The following VIRMA variants were observed in gnomAD, a reference collection of about 807,000 sequenced individuals.
VIRMA encodes the protein vir like m6A methyltransferase associated, also known as protein virilizer homolog.
VIRMA carries 65 observed loss-of-function variants against 182.4 expected under a neutral mutation model. The ratio of observed to expected loss-of-function variants is 0.36; its 90% CI spans 0.29 to 0.44. The LOEUF is 0.44. Ranked by LOEUF, VIRMA falls within the 20% of genes least tolerant of loss-of-function variation. The pLI, the probability that VIRMA is intolerant of heterozygous loss-of-function variation, is 1.00. For synonymous variants in VIRMA, 709 were observed against 743.1 expected (o/e 0.95, Z 0.75); for missense variants, 1,752 against 2,158.1 (o/e 0.81, Z 3.73).
At chr8:94,523,743 C>T (rs1490150399) in intron 8 of VIRMA, among the ~76,000 whole-genome samples, 1 of 152,014 alleles carries the variant, frequency 6.6e-6, no homozygotes, top group African/African-American at 2.4e-5. Flanking sequence ...ATTCTCCTGC[C>T]TCAGCCTCCC....
At chr8:94,544,716 C>G (rs1449338038) in intron 1 of VIRMA, among the ~76,000 whole-genome samples, 5 of 149,720 alleles carry the variant, frequency 3.3e-5, no homozygotes, top group Non-Finnish European at 7.4e-5. Context: ...CATATCAGTT[C>G]AGATTAGACT....
At chr8:94,539,022 C>A (rs1033653852) in intron 2 of VIRMA, among the ~76,000 whole-genome samples, 1 of 151,994 alleles carries the variant, frequency 6.6e-6, no homozygotes, top group Non-Finnish European at 1.5e-5. Flanking sequence ...CTGCTACAGC[C>A]TCCCAAGTAG....
rs1393509667 is a variant in VIRMA at position 94,527,052 on chromosome 8, C to T, written c.1192G>A (p.Ala398Thr). ...LLDLYREDRGAKWVTALEEIP... is the reference protein window; with the variant it reads ...LLDLYREDRGTKWVTALEEIP... ...TCTTCTAAAGCTGTTACCCATTTTG[C>T]ACCTCTATCTTCTCTATACAAATCT... The change falls in exon 8 of 24, where the codon GCA becomes ACA. Residue 398 changes from alanine to threonine, a missense_variant. Coordinates refer to ENST00000297591, the MANE Select transcript of VIRMA (RefSeq NM_015496.5). The T allele has an allele frequency of 1.2e-6, 2 of 1,614,042 alleles. No individual in the cohort carries two copies. Among genetic ancestry groups the T allele is most frequent in the African/African-American group, 2.7e-5 (2 of 74,934 alleles).
chr8:94,504,153 G>A (rs1027215105), intron 16 of VIRMA, among the ~76,000 whole-genome samples: 7 of 150,900 alleles, frequency 4.6e-5, no homozygotes, highest in East Asian at 3.9e-4. Context: ...CAACCCGGGC[G>A]ATAGAGCAAG....
intron 2 of VIRMA, among the ~76,000 whole-genome samples, chr8:94,539,689 A>G (rs2130380340): frequency 6.6e-6 from 1 of 152,320 alleles, no homozygotes; most frequent in Middle Eastern, 3.4e-3. Context: ...AAATGTTCAC[A>G]TCAAGCCACC....
intron 13 of VIRMA, 45 bp downstream of exon 13, chr8:94,511,140 G>A (rs1814358151): frequency 1.3e-6 from 2 of 1,585,052 alleles, no homozygotes; most frequent in Non-Finnish European, 1.7e-6. Flanking sequence ...TTTAAAAAGT[G>A]TTACTGCAGT....
chr8:94,530,507 A>AG (rs1815133569), intron 6 of VIRMA, among the ~76,000 whole-genome samples: 3 of 151,960 alleles, frequency 2.0e-5, no homozygotes, highest in African/African-American at 7.2e-5. Flanking sequence ...AAAAAAAAAA[A>AG]AAAGAAAAAA....
chr8:94,507,387 G>C (rs1229621790), intron 15 of VIRMA, among the ~76,000 whole-genome samples: 1 of 151,274 alleles, frequency 6.6e-6, no homozygotes, highest in East Asian at 2.0e-4. Flanking sequence ...CACCTGCCTC[G>C]GCCTCCCAAA....
intron 1 of VIRMA, among the ~76,000 whole-genome samples, chr8:94,551,250 A>G (rs1334808594): frequency 2.0e-5 from 3 of 152,238 alleles, no homozygotes; most frequent in African/African-American, 7.2e-5. Flanking sequence ...ACTCAAATGA[A>G]AAGTTATCTC....
Position 94,548,529 on chromosome 8 carries a change from T to TGAGTAAATGTATATG in VIRMA, c.64-4588_64-4587insCATATACATTTACTC, listed in dbSNP as rs1293213327. ...CATCAACAGGAATATACAAATACAA[T>TGAGTAAATGTATATG]AGCTTTCCACTCATATACTTGTTTA... On this transcript the variant is annotated intron_variant, in intron 1 of 23. Coordinates refer to ENST00000297591, the MANE Select transcript of VIRMA (RefSeq NM_015496.5). Among the ~76,000 whole-genome samples the TGAGTAAATGTATATG allele has an allele frequency of 1.3e-4, 20 of 151,266 alleles. 5 individuals carry two copies. The highest frequency in any genetic ancestry group is 4.9e-4 in the African/African-American group (20 of 40,542).
chr8:94,508,364 G>A (rs746085637), intron 15 of VIRMA, among the ~76,000 whole-genome samples: 46 of 152,136 alleles, frequency 3.0e-4, no homozygotes, highest in Admixed American at 1.3e-3. Context: ...GATTACAGGC[G>A]TGAGCTACCA....
At position 94,534,866 on chromosome 8, in the gene VIRMA, G is replaced by C. The variant is rs756880313; in HGVS notation, c.457C>G (p.Pro153Ala). The change falls in exon 5 of 24, where the codon CCA (proline) becomes GCA (alanine). Residue 153 changes from proline to alanine, a missense_variant. Around this residue, in one of 11 missense-constraint regions of VIRMA, gnomAD observed 195 missense variants for 191.7 expected, o/e 1.02. Coordinates refer to ENST00000297591, the MANE Select transcript of VIRMA (RefSeq NM_015496.5). ...TGTTTTGGATTCCTTTTCAAACTTG[G>C]TTGTGGCTGGGGAGGTGGTGGCGGT... ...PPPPPPPQPQ[P>A]SLKRNPKHAD... 1 of 1,596,368 alleles carries C rather than the reference G, an allele frequency of 6.3e-7. No homozygotes were observed. Among genetic ancestry groups the C allele is most frequent in the South Asian group, 1.1e-5 (1 of 90,566 alleles).
intron 1 of VIRMA, among the ~76,000 whole-genome samples, chr8:94,545,774 G>A (rs1410892061): frequency 1.3e-5 from 2 of 152,168 alleles, no homozygotes; most frequent in Non-Finnish European, 2.9e-5. Context: ...AAAAGTGCAG[G>A]CTGGGAGCCA....
chr8:94,496,097 C>A, intron 18 of VIRMA: 6 of 617,066 alleles, frequency 9.7e-6, no homozygotes, highest in Non-Finnish European at 1.6e-5. Context: ...CAGAGGGTAC[C>A]CTGCTTCCAA....
intron 17 of VIRMA, chr8:94,496,691 C>T (rs1586064399): frequency 1.4e-5 from 6 of 422,112 alleles, no homozygotes. Context: ...AATAAGCAAA[C>T]ATATATTTTA....
At position 94,513,775 on chromosome 8, in the gene VIRMA, A is replaced by C. The variant is rs528075013; in HGVS notation, c.2751+1094T>G. Among the ~76,000 whole-genome samples, 13 of 152,324 alleles carry C rather than the reference A, an allele frequency of 8.5e-5. 1 individual carries two copies. In the East Asian group the frequency reaches 2.5e-3, roughly 29 times the overall value. On this transcript the variant is annotated intron_variant, in intron 11 of 23. Transcript: ENST00000297591. ...AAGTACCCAGAATACATGACCATCT[A>C]AATTTACAGGATATTAATTGTACTT...
intron 8 of VIRMA, among the ~76,000 whole-genome samples, chr8:94,520,691 AT>A (rs1298361573): frequency 6.6e-6 from 1 of 152,156 alleles, no homozygotes; most frequent in South Asian, 2.1e-4. Context: ...ATACTACATC[AT>A]TTTATATTTT....
intron 16 of VIRMA, among the ~76,000 whole-genome samples, chr8:94,506,104 C>T (rs1814144471): frequency 1.3e-5 from 2 of 152,032 alleles, no homozygotes; most frequent in Admixed American, 1.3e-4. Flanking sequence ...ATCCAATTCC[C>T]CATAGATACT....
intron 16 of VIRMA, among the ~76,000 whole-genome samples, chr8:94,503,186 G>T (rs1042850521): frequency 6.6e-6 from 1 of 152,162 alleles, no homozygotes; most frequent in Non-Finnish European, 1.5e-5. Context: ...AATGGTGGAT[G>T]AAAGTTTTTG....
Sources: allele counts gnomAD v4.1 joint callset (sites outside exome capture counted in the v4.1 genomes callset), GRCh38; gene constraint gnomAD v4.1.1; regional missense constraint gnomAD v4.1.1; transcripts MANE v1.5; gene names NCBI Gene and HGNC (gene_info 2026-07-23, HGNC 2026-07-21).